PDE2A: variants seen among roughly 807,000 people sequenced by gnomAD.
PDE2A encodes the protein cGMP-dependent 3',5'-cyclic phosphodiesterase.
PDE2A carries 53 observed loss-of-function variants against 133.6 expected under a neutral mutation model. The ratio of observed to expected loss-of-function variants is 0.40; its 90% CI spans 0.32 to 0.50. PDE2A has a LOEUF of 0.50. PDE2A is among the 20% of genes least tolerant of loss of function. The probability of loss-of-function intolerance (pLI) is 0.73; values close to 1 mark genes in which losing one functional copy is unlikely to be tolerated. For missense variants in PDE2A, 796 were observed against 1,232.4 expected, an observed-to-expected ratio of 0.65 and a Z score of 5.30; for synonymous variants, 491 against 490.2, an observed-to-expected ratio of 1.00 and a Z score of -0.02.
At chr11:72,624,999 C>T (rs1057407041) in intron 2 of PDE2A, among the ~76,000 whole-genome samples, 1 of 152,242 alleles carries the variant, frequency 6.6e-6, no homozygotes, top group Non-Finnish European at 1.5e-5. Flanking sequence ...CCCACCCCAA[C>T]TGGGCACAGT....
chr11:72,599,193 G>A (rs1856624768), intron 4 of PDE2A, among the ~76,000 whole-genome samples: 1 of 152,058 alleles, frequency 6.6e-6, no homozygotes, highest in Non-Finnish European at 1.5e-5. Context: ...CCCTGGACTG[G>A]AGCTGCTTGG....
In PDE2A at chr11:72,578,878, C is replaced by T. The variant is rs1217535697; in HGVS notation, c.2469+19G>A. 1 of 1,534,376 alleles carries T rather than the reference C, an allele frequency of 6.5e-7. No homozygotes were observed. Among genetic ancestry groups the T allele is most frequent in the Non-Finnish European group, 9.0e-7 (1 of 1,107,902 alleles). On this transcript the variant is annotated intron_variant, in intron 28 of 30. Coordinates refer to ENST00000334456, the MANE Select transcript of PDE2A (RefSeq NM_002599.5). The surrounding 1 kb of genome is among the most constrained non-coding windows in gnomAD (Gnocchi z 4.2). ...GCAGGGTGGGCAGCCTGTGCCTTCC[C>T]AGGGAGGACTACACCTACCGCGATC... is the stretch of plus-strand genomic sequence containing the variant.
chr11:72,610,239 G>C (rs1857146257), intron 2 of PDE2A, among the ~76,000 whole-genome samples: 1 of 152,138 alleles, frequency 6.6e-6, no homozygotes, highest in Admixed American at 6.5e-5. Flanking sequence ...ACAGCCTGGG[G>C]ACCCATAGGA....
At chr11:72,664,350 T>C (rs1439784669) in intron 1 of PDE2A, among the ~76,000 whole-genome samples, 1 of 149,264 alleles carries the variant, frequency 6.7e-6, no homozygotes, top group Non-Finnish European at 1.5e-5. Context: ...AAAATAGGGC[T>C]AGCCCCTTGA....
At chr11:72,646,085 C>T (rs1591125777) in intron 1 of PDE2A, among the ~76,000 whole-genome samples, 1 of 152,224 alleles carries the variant, frequency 6.6e-6, no homozygotes, top group East Asian at 1.9e-4. Flanking sequence ...TCTGCACCCT[C>T]TGCCCATCTC....
chr11:72,599,957 T>C (rs394903), intron 4 of PDE2A, among the ~76,000 whole-genome samples: 151,279 of 152,364 alleles, frequency 0.99, 75,113 homozygotes, highest in Middle Eastern at 1. Flanking sequence ...GAGGGAGACA[T>C]CTGAGTTGAG....
At chr11:72,596,230 G>A (rs1221043094) in intron 6 of PDE2A, among the ~76,000 whole-genome samples, 1 of 152,126 alleles carries the variant, frequency 6.6e-6, no homozygotes, top group African/African-American at 2.4e-5. Context: ...GGATCCCAAA[G>A]AGAAACCAAG....
chr11:72,618,773 C>T (rs1381605948), intron 2 of PDE2A, among the ~76,000 whole-genome samples: 7 of 152,254 alleles, frequency 4.6e-5, no homozygotes, highest in African/African-American at 1.7e-4. Context: ...GCCCATGGGA[C>T]GCTGGCCATG....
chr11:72,630,996 G>A (rs2135416248), intron 2 of PDE2A: 1 of 1,171,928 alleles, frequency 8.5e-7, no homozygotes, highest in South Asian at 1.3e-5. Flanking sequence ...CCTCCCAAGG[G>A]GGAGGGCACC....
rs907280532 is a variant in PDE2A at position 72,650,678 on chromosome 11, G to A, written c.72-8352C>T. On this transcript the variant is annotated intron_variant, in intron 1 of 30. Coordinates refer to ENST00000334456, the MANE Select transcript of PDE2A (RefSeq NM_002599.5). ...ATGGAGATGCCTCCTCCTGATCCTG[G>A]TAGCAGGCTGGGTAGGGGACGAAGG... Among the ~76,000 whole-genome samples, 5 of 152,022 alleles carry A rather than the reference G, an allele frequency of 3.3e-5. No individual in the cohort carries two copies. In the East Asian group the frequency reaches 9.7e-4, roughly 29 times the overall value.
intron 1 of PDE2A, among the ~76,000 whole-genome samples, chr11:72,667,946 G>A (rs1203863781): frequency 1.3e-5 from 2 of 152,086 alleles, no homozygotes; most frequent in South Asian, 2.1e-4. Context: ...ATGGAGGAGG[G>A]ACAGCAGCAA....
At chr11:72,603,211 T>C (rs968135704) in intron 4 of PDE2A, among the ~76,000 whole-genome samples, 1 of 152,346 alleles carries the variant, frequency 6.6e-6, no homozygotes, top group South Asian at 2.1e-4. Context: ...CTTCAGCCCC[T>C]GTCTACCAGC....
chr11:72,645,644 G>A (rs1056857600), intron 1 of PDE2A, among the ~76,000 whole-genome samples: 2 of 152,178 alleles, frequency 1.3e-5, no homozygotes, highest in Non-Finnish European at 1.5e-5. Context: ...AATGTCCCCC[G>A]GTGATTCTAA....
In PDE2A at chr11:72,578,759, C is replaced by T; in HGVS notation, c.2469+138G>A. ...CCCTCTCTGAGTCTCCATTTGTCAC[C>T]CTGAGATGGTCTAGGTTTCTGTCTC... On this transcript the variant is annotated intron_variant, in intron 28 of 30. Coordinates refer to ENST00000334456, the MANE Select transcript of PDE2A (RefSeq NM_002599.5). This position sits in a 1 kb window ranked among gnomAD's most constrained non-coding sequence, Gnocchi z 4.2. 3.0e-6 allele frequency: 2 copies of T among 674,494 alleles called. No homozygotes were observed. The highest frequency in any genetic ancestry group is 1.8e-5 in the South Asian group (1 of 56,328). The allele number at this position is 674,494 out of a possible 1,614,324, so 41.8% of individuals were successfully genotyped here.
At position 72,609,606 on chromosome 11, in the gene PDE2A, C is replaced by T. The variant is rs538910850; in HGVS notation, c.145-855G>A. Among the ~76,000 whole-genome samples the T allele has an allele frequency of 2.0e-5, 3 of 152,290 alleles. No individual in the cohort carries two copies. In the East Asian group the frequency reaches 5.8e-4, roughly 30 times the overall value. On this transcript the variant is annotated intron_variant, in intron 2 of 30. Coordinates refer to ENST00000334456, the MANE Select transcript of PDE2A (RefSeq NM_002599.5). Reference sequence around the variant, plus strand: ...GCCGGAACGGAGACAAAAGTCCCTGCTTCTCGCTCTATTAACTTGGCCAGA... The same window carrying T: ...GCCGGAACGGAGACAAAAGTCCCTGTTTCTCGCTCTATTAACTTGGCCAGA...
chr11:72,618,349 C>T (rs1022133515), intron 2 of PDE2A, among the ~76,000 whole-genome samples: 3 of 152,248 alleles, frequency 2.0e-5, no homozygotes, highest in African/African-American at 4.8e-5. Flanking sequence ...TTCTCTCCTG[C>T]TCTTCCTGCT....
chr11:72,661,035 T>C (rs1855039924), intron 1 of PDE2A, among the ~76,000 whole-genome samples: 1 of 152,100 alleles, frequency 6.6e-6, no homozygotes. Context: ...TCAGGTGCAG[T>C]GGCTCACACC....
At chr11:72,619,760 C>A (rs11820891) in intron 2 of PDE2A, among the ~76,000 whole-genome samples, 1 of 152,094 alleles carries the variant, frequency 6.6e-6, no homozygotes. Flanking sequence ...TCCTCCTCTG[C>A]GCACCCCTGT....
chr11:72,662,422 C>T (rs377760427), intron 1 of PDE2A, among the ~76,000 whole-genome samples: 2 of 152,162 alleles, frequency 1.3e-5, no homozygotes, highest in Non-Finnish European at 2.9e-5. Context: ...GACTGAGATC[C>T]GACTCCAGGA....
Sources: gnomAD v4.1 joint callset for allele counts (sites outside exome capture counted in the v4.1 genomes callset) on GRCh38, gnomAD v4.1.1 for gene constraint, Gnocchi (gnomAD v3.1) non-coding constraint, MANE v1.5 for transcripts, NCBI Gene and HGNC (gene_info 2026-07-23, HGNC 2026-07-21) for gene names.